PRKG1: variants seen among roughly 807,000 people sequenced by gnomAD.
PRKG1 encodes the protein cGMP-dependent protein kinase 1.
In PRKG1, 35 loss-of-function variants were observed where a neutral mutation model predicts 88.1. That is an observed-to-expected ratio of 0.40 (90% confidence interval 0.30 to 0.53). The LOEUF (loss-of-function observed/expected upper bound fraction) is 0.53, where lower values mean the gene tolerates loss of function less well. Among genes scored for constraint, PRKG1 ranks in the 20% least tolerant of loss-of-function variants. The pLI, the probability that PRKG1 is intolerant of heterozygous loss-of-function variation, is 0.59. For synonymous variants in PRKG1, 303 were observed against 292.5 expected (o/e 1.04, Z -0.37); for missense variants, 540 against 839.8 (o/e 0.64, Z 4.41).
chr10:52,163,671 T>A (rs1171150153), intron 9 of PRKG1, among the ~76,000 whole-genome samples: 1 of 152,158 alleles, frequency 6.6e-6, no homozygotes, highest in Non-Finnish European at 1.5e-5. Context: ...ACTGAGTTAG[T>A]CATAGGTTTC....
intron 4 of PRKG1, among the ~76,000 whole-genome samples, chr10:51,861,992 C>T (rs1161143364): frequency 1.3e-5 from 2 of 152,134 alleles, no homozygotes; most frequent in African/African-American, 4.8e-5. Context: ...GTGCTTGCAT[C>T]TAGATGAAGG....
At chr10:51,930,720 A>G (rs1397336340) in intron 5 of PRKG1, among the ~76,000 whole-genome samples, 1 of 151,886 alleles carries the variant, frequency 6.6e-6, no homozygotes, top group Non-Finnish European at 1.5e-5. Flanking sequence ...CGAACTCCTG[A>G]TCTCTAGCAA....
At chr10:52,005,211 A>C (rs900888883) in intron 5 of PRKG1, among the ~76,000 whole-genome samples, 1 of 151,000 alleles carries the variant, frequency 6.6e-6, no homozygotes, top group Non-Finnish European at 1.5e-5. Flanking sequence ...TATACAATAT[A>C]GCAATGTGGC....
At chr10:51,961,311 C>G (rs544171839) in intron 5 of PRKG1, among the ~76,000 whole-genome samples, 1 of 152,106 alleles carries the variant, frequency 6.6e-6, no homozygotes, top group African/African-American at 2.4e-5. Context: ...TTTTGCATCC[C>G]AGGAATACTG....
intron 2 of PRKG1, among the ~76,000 whole-genome samples, chr10:51,232,756 G>C (rs1264847850): frequency 6.6e-6 from 1 of 152,114 alleles, no homozygotes; most frequent in South Asian, 2.1e-4. Context: ...GTCCTCCCCT[G>C]TGCTAGACAC....
chr10:51,351,677 C>T (rs1842250568), intron 2 of PRKG1, among the ~76,000 whole-genome samples: 1 of 152,036 alleles, frequency 6.6e-6, no homozygotes, highest in Non-Finnish European at 1.5e-5. Context: ...CAAAAATTTT[C>T]TCCCATTCTG....
chr10:51,838,763 G>GA (rs112164475), intron 4 of PRKG1, among the ~76,000 whole-genome samples: 26 of 149,180 alleles, frequency 1.7e-4, no homozygotes, highest in African/African-American at 2.9e-4. Context: ...AGGCTAATGA[G>GA]AAAAAAAAAA....
rs112801962 is a variant in PRKG1, at chr10:51,692,234, T to A, written c.593-112351T>A. On this transcript the variant is annotated intron_variant, in intron 3 of 17. Transcript: ENST00000373980. ...CAAGCAAGCCCTATATTGGCCTTTT[T>A]AAAAAAAAAAAATCACATTATGAAT... Among the ~76,000 whole-genome samples the A allele has an allele frequency of 1.1e-3, 166 of 148,468 alleles. 1 individual carries two copies. The highest frequency in any genetic ancestry group is 3.0e-3 in the African/African-American group (121 of 40,818).
At chr10:51,191,303 T>TCTC (rs1837624536) in intron 2 of PRKG1, among the ~76,000 whole-genome samples, 1 of 151,786 alleles carries the variant, frequency 6.6e-6, no homozygotes, top group African/African-American at 2.4e-5. Flanking sequence ...TTTGTTTGAA[T>TCTC]CTCCTTTTTT....
chr10:51,716,331 A>G (rs1273015576), intron 3 of PRKG1, among the ~76,000 whole-genome samples: 4 of 152,146 alleles, frequency 2.6e-5, no homozygotes, highest in East Asian at 1.9e-4. Context: ...GAGTGTCTTC[A>G]TCTAGGCTTA....
intron 2 of PRKG1, among the ~76,000 whole-genome samples, chr10:51,427,049 C>A (rs1838609420): frequency 6.6e-6 from 1 of 152,194 alleles, no homozygotes; most frequent in African/African-American, 2.4e-5. Flanking sequence ...CTATTGCCTG[C>A]ATAGTCAGGT....
chr10:51,837,218 C>T (rs1380362956), intron 4 of PRKG1, among the ~76,000 whole-genome samples: 2 of 151,922 alleles, frequency 1.3e-5, no homozygotes, highest in East Asian at 1.9e-4. Context: ...TTATTTGCTC[C>T]GAGGGTAGAA....
At chr10:51,791,819 T>C (rs770543384) in intron 3 of PRKG1, among the ~76,000 whole-genome samples, 1 of 152,048 alleles carries the variant, frequency 6.6e-6, no homozygotes, top group Non-Finnish European at 1.5e-5. Context: ...TAGGGACTAC[T>C]AAGATTGCTG....
intron 2 of PRKG1, among the ~76,000 whole-genome samples, chr10:51,319,469 C>G (rs1841401528): frequency 6.6e-6 from 1 of 152,196 alleles, no homozygotes; most frequent in Non-Finnish European, 1.5e-5. Context: ...CCTTTCTGCT[C>G]TGTGGACTAC....
intron 3 of PRKG1, among the ~76,000 whole-genome samples, chr10:51,793,615 A>G (rs975011037): frequency 1.3e-5 from 2 of 152,118 alleles, no homozygotes; most frequent in African/African-American, 2.4e-5. Flanking sequence ...AAAATCAAAG[A>G]CAAAGAGAGG....
intron 3 of PRKG1, among the ~76,000 whole-genome samples, chr10:51,797,498 A>C (rs1235666928): frequency 6.8e-6 from 1 of 146,328 alleles, no homozygotes; most frequent in Non-Finnish European, 1.5e-5. Flanking sequence ...ATTATACATT[A>C]TATATAAATA....
At chr10:52,169,127 A>C (rs1378149082) in intron 9 of PRKG1, among the ~76,000 whole-genome samples, 1 of 152,218 alleles carries the variant, frequency 6.6e-6, no homozygotes, top group African/African-American at 2.4e-5. Context: ...AGAAAGAAGA[A>C]TTTGGCAAAA....
In PRKG1 at chr10:51,525,414, T is replaced by C. The variant is rs146783499; in HGVS notation, c.592+57578T>C. The stretch of plus-strand genomic sequence containing the variant: ...TGGCGTGCATGCAATAAATAAGAAA[T>C]GCAGCCGGGTGCAGTGGCTCACGCC... On this transcript the variant is annotated intron_variant, in intron 3 of 17. Coordinates refer to ENST00000373980, the MANE Select transcript of PRKG1 (RefSeq NM_006258.4). Among the ~76,000 whole-genome samples, 461 of 152,244 alleles carry C rather than the reference T, an allele frequency of 3.0e-3. 6 individuals are homozygous for C. Among genetic ancestry groups the C allele is most frequent in the African/African-American group, 0.011 (438 of 41,556 alleles).
At chr10:51,180,636 C>T (rs1837318197) in intron 2 of PRKG1, among the ~76,000 whole-genome samples, 1 of 152,194 alleles carries the variant, frequency 6.6e-6, no homozygotes, top group Non-Finnish European at 1.5e-5. Flanking sequence ...TTCACCCTGC[C>T]TGCTTGCGAA....
Sources: allele counts gnomAD v4.1 joint callset (sites outside exome capture counted in the v4.1 genomes callset), GRCh38; gene constraint gnomAD v4.1.1; transcripts MANE v1.5; gene names NCBI Gene and HGNC (gene_info 2026-07-23, HGNC 2026-07-21).